The following NCOR2 variants were observed in gnomAD, a reference collection of about 807,000 sequenced individuals.
The protein encoded by NCOR2 is nuclear receptor corepressor 2, also known as CTG repeat protein 26.
NCOR2 carries 81 observed loss-of-function variants against 262.9 expected under a neutral mutation model. The ratio of observed to expected loss-of-function variants is 0.31; its 90% CI spans 0.26 to 0.37. The LOEUF is 0.37. Among genes scored for constraint, NCOR2 ranks in the 10% least tolerant of loss-of-function variants. The pLI, the probability that NCOR2 is intolerant of heterozygous loss-of-function variation, is 1.00. For missense variants in NCOR2, 3,385 were observed against 3,621.4 expected (o/e 0.93, Z 1.68); for synonymous variants, 1,659 against 1,559.3 (o/e 1.06, Z -1.51).
At position 124,482,401 on chromosome 12, in the gene NCOR2, C is replaced by T. The variant is rs1448750085; in HGVS notation, c.411+1195G>A. Among the ~76,000 whole-genome samples, 2 of 152,158 alleles carry T rather than the reference C, an allele frequency of 1.3e-5. No individual in the cohort carries two copies. Among genetic ancestry groups the T allele is most frequent in the African/African-American group, 4.8e-5 (2 of 41,428 alleles). On this transcript the variant is annotated intron_variant, in intron 3 of 46. Coordinates refer to ENST00000405201, the Ensembl canonical transcript of NCOR2. This position sits in a 1 kb window ranked among gnomAD's most constrained non-coding sequence, Gnocchi z 6.3. ...CAGCCCAAGCCCACCCCAGGGATAT[C>T]CCAGGTTCCACGCAGGTATCCTCTC...
chr12:124,521,633 C>T (rs938845330), intron 1 of NCOR2, among the ~76,000 whole-genome samples: 1 of 152,154 alleles, frequency 6.6e-6, no homozygotes. Flanking sequence ...CCCACCGGTA[C>T]AGGGTTCCTT....
At chr12:124,467,117 GACC>G (rs1361632802) in intron 4 of NCOR2, among the ~76,000 whole-genome samples, 11 of 43,796 alleles carry the variant, frequency 2.5e-4, no homozygotes, top group South Asian at 1.7e-3. Flanking sequence ...TCATCCTCAT[GACC>G]ACCATCACCC....
At chr12:124,360,248 G>C (rs2038439754) in intron 22 of NCOR2, among the ~76,000 whole-genome samples, 1 of 152,222 alleles carries the variant, frequency 6.6e-6, no homozygotes, top group Non-Finnish European at 1.5e-5. Flanking sequence ...GCCGCACACT[G>C]TACCCTGGCC....
Position 124,431,872 on chromosome 12 carries a change from GAC to G in NCOR2, c.883-1087_883-1086del, listed in dbSNP as rs142107372. Among the ~76,000 whole-genome samples, 33 of 150,718 alleles carry G rather than the reference GAC, an allele frequency of 2.2e-4. 1 individual carries two copies. The highest frequency in any genetic ancestry group is 1.1e-3 in the Admixed American group (17 of 15,158). On this transcript the variant is annotated intron_variant, in intron 8 of 46. Transcript: ENST00000405201. ...AGTCATATAGGCAGATACACAGAGAGACACACACACACACATATATACACAGG... is the reference window on the plus strand; with the variant it reads ...AGTCATATAGGCAGATACACAGAGAGACACACACACACATATATACACAGG...
upstream of NCOR2, among the ~76,000 whole-genome samples, chr12:124,499,817 C>T (rs143695655): frequency 3.3e-5 from 5 of 152,200 alleles, no homozygotes; most frequent in East Asian, 1.9e-4. Context: ...CAGTGTTTTA[C>T]GAGCAGGCAC....
intron 39 of NCOR2, 80 bp from the exon 42 acceptor site, chr12:124,335,360 G>A: frequency 1.3e-6 from 2 of 1,501,232 alleles, no homozygotes; most frequent in Non-Finnish European, 1.8e-6. Context: ...CCATGCCTTT[G>A]AGCCTCATGA....
At chr12:124,422,652 G>GCCA in intron 11 of NCOR2, 97 bp from the exon 14 acceptor site, 1 of 1,436,112 alleles carries the variant, frequency 7.0e-7, no homozygotes, top group African/African-American at 1.4e-5. Flanking sequence ...CCCACTGGCC[G>GCCA]GGCCTGGCGG....
Position 124,440,967 on chromosome 12 carries a change from T to TGGGGAGGGGCAGAGAGGACG in NCOR2, c.816-2991_816-2972dup, listed in dbSNP as rs2044768668. 6.6e-6 allele frequency among the ~76,000 whole-genome samples: 1 copy of TGGGGAGGGGCAGAGAGGACG among 151,932 alleles called. No homozygotes were observed. The highest frequency in any genetic ancestry group is 1.5e-5 in the Non-Finnish European group (1 of 67,972). ...GGAAGGCCCTGTGGCTGGACAGTGC[T>TGGGGAGGGGCAGAGAGGACG]GGGGAGGGGCAGAGAGGACGGAGGA... On this transcript the variant is annotated intron_variant, in intron 7 of 46. Coordinates refer to ENST00000405201, the Ensembl canonical transcript of NCOR2. The surrounding 1 kb of genome is among the most constrained non-coding windows in gnomAD (Gnocchi z 5.7).
chr12:124,486,578 G>A lies in NCOR2; in HGVS notation c.106-10C>T, dbSNP rs1403835830. ...CCAGGAGCCCGACGTCCTGCAGGAG[G>A]GGACAGAGGAGTGGTGAGCGTGGGC... On this transcript the variant is annotated splice_polypyrimidine_tract_variant and intron_variant, in intron 1 of 46. Transcript: ENST00000405201. 1 of 1,562,176 alleles carries A rather than the reference G, an allele frequency of 6.4e-7. No individual in the cohort carries two copies. Among genetic ancestry groups the A allele is most frequent in the Non-Finnish European group, 8.7e-7 (1 of 1,155,266 alleles).
Position 124,354,530 on chromosome 12 carries a change from C to T in NCOR2, c.3537G>A (p.Gly1179=), listed in dbSNP as rs779694326. 3 of 1,595,812 alleles carry T rather than the reference C, an allele frequency of 1.9e-6. No homozygotes were observed. The South Asian group carries it at 3.4e-5, about 18-fold the overall frequency. The change falls in exon 26 of 47, where the codon GGG becomes GGA. Residue 1179 remains glycine (G), a synonymous_variant. Transcript: ENST00000405201. The stretch of plus-strand genomic sequence containing the variant: ...TGGGCACCCCCAGGCTCTCCGGTGG[C>T]CCAGCCTGGCCCCGTGGGGACAGCT...
At chr12:124,491,476 C>A (rs1029830068) in intron 1 of NCOR2, among the ~76,000 whole-genome samples, 8 of 152,242 alleles carry the variant, frequency 5.3e-5, no homozygotes, top group African/African-American at 1.7e-4. Flanking sequence ...TGCAAGCAAC[C>A]TGGCTCCAGA....
chr12:124,405,022 C>T (rs1387827803), intron 13 of NCOR2, among the ~76,000 whole-genome samples: 1 of 152,118 alleles, frequency 6.6e-6, no homozygotes, highest in African/African-American at 2.4e-5. Context: ...CCCCAGAGCC[C>T]CCGCTGAGAG....
chr12:124,498,133 GCA>G (rs747342898), upstream of NCOR2, among the ~76,000 whole-genome samples: 9 of 152,186 alleles, frequency 5.9e-5, no homozygotes, highest in Non-Finnish European at 1.0e-4. Context: ...TCTTTCAAGG[GCA>G]CCACGGGCAA....
exon 37 of NCOR2, chr12:124,340,032 C>T: frequency 6.2e-7 from 1 of 1,612,604 alleles, no homozygotes. Flanking sequence ...TGCTGGGCTC[C>T]ACAGCGGTGA....
chr12:124,346,625 A>G (rs1326939043), exon 31 of NCOR2: 2 of 1,594,304 alleles, frequency 1.3e-6, no homozygotes, highest in African/African-American at 2.7e-5. Flanking sequence ...CGTGTGCCGC[A>G]GCTCCTCGCG....
intron 13 of NCOR2, among the ~76,000 whole-genome samples, chr12:124,404,463 C>G (rs2042161497): frequency 1.3e-5 from 2 of 152,272 alleles, no homozygotes; most frequent in Admixed American, 6.5e-5. Flanking sequence ...CTTCCCAGAG[C>G]ATCTGCCCAT....
chr12:124,495,585 G>A (rs559430005), upstream of NCOR2, among the ~76,000 whole-genome samples: 184 of 152,094 alleles, frequency 1.2e-3, no homozygotes, highest in Non-Finnish European at 2.0e-3. This position sits in a 1 kb window ranked among gnomAD's most constrained non-coding sequence, Gnocchi z 4.4. Flanking sequence ...TGCAAGCCAC[G>A]CAAGGGACCA....
At position 124,549,795 on chromosome 12, in the gene NCOR2, G is replaced by A. The variant is rs767545241; in HGVS notation, c.-164-14184C>T. Among the ~76,000 whole-genome samples the A allele has an allele frequency of 7.9e-5, 12 of 152,164 alleles. No homozygotes were observed. Among genetic ancestry groups the A allele is most frequent in the African/African-American group, 2.2e-4 (9 of 41,436 alleles). On this transcript the variant is annotated intron_variant, in intron 1 of 32. Transcript: ENST00000458234. The surrounding 1 kb of genome is among the most constrained non-coding windows in gnomAD (Gnocchi z 4.4). ...CACGTTTCACGGAGGGAGAGAGGGC[G>A]GCAGGAACGGGGCCTTGAGTCACCA... is the stretch of plus-strand genomic sequence containing the variant.
rs115852931 is a variant in NCOR2, at chr12:124,367,984, G to A, written c.2807+4038C>T. 9.8e-3 allele frequency among the ~76,000 whole-genome samples: 1,492 copies of A among 152,278 alleles called. 22 individuals are homozygous for A. Among genetic ancestry groups the A allele is most frequent in the African/African-American group, 0.034 (1,406 of 41,538 alleles). ...AGCCACTTCTATTTTCCTTTCTGGC[G>A]GCCTGGGTGGGGCGGGGACTCTCAG... On this transcript the variant is annotated intron_variant, in intron 20 of 46. Coordinates refer to ENST00000405201, the Ensembl canonical transcript of NCOR2.
Sources: allele counts gnomAD v4.1 joint callset (sites outside exome capture counted in the v4.1 genomes callset), GRCh38; gene constraint gnomAD v4.1.1; non-coding constraint Gnocchi (gnomAD v3.1); transcripts MANE v1.5; gene names NCBI Gene and HGNC (gene_info 2026-07-23, HGNC 2026-07-21).